The following KCTD20 variants were observed in gnomAD, a reference collection of about 807,000 sequenced individuals.
KCTD20 encodes BTB/POZ domain-containing protein KCTD20.
Under a neutral mutation model 39.6 loss-of-function variants are expected in KCTD20, and 30 were observed. The ratio of observed to expected loss-of-function variants is 0.76; its 90% CI spans 0.57 to 1.03. The LOEUF (loss-of-function observed/expected upper bound fraction) is 1.03. Among genes scored for constraint, KCTD20 ranks in the 50% least tolerant of loss-of-function variants. The probability of loss-of-function intolerance (pLI) is 0.00; values close to 1 mark genes in which losing one functional copy is unlikely to be tolerated. For missense variants in KCTD20, 422 were observed against 522.0 expected (o/e 0.81, Z 1.87); for synonymous variants, 162 against 180.6 (o/e 0.90, Z 0.83).
In KCTD20 at chr6:36,481,634, T is replaced by TG. The variant is rs1271688042; in HGVS notation, c.732dup (p.Pro245AlafsTer22). On this transcript the variant is annotated frameshift_variant, in exon 6 of 8. Coordinates refer to ENST00000373731, the MANE Select transcript of KCTD20 (RefSeq NM_173562.5). LOFTEE classifies it high-confidence loss of function. ...GATCACTACCTCGAAGAGCTCATCT[T>TG]GCCCATCATGGTGGGCTGTGCCAAG... 6.2e-7 allele frequency: 1 copy of TG among 1,614,248 alleles called. No homozygotes were observed.
intron 3 of KCTD20, 98 bp downstream of exon 3, chr6:36,475,160 T>C (rs1776027517): frequency 7.3e-7 from 1 of 1,363,676 alleles, no homozygotes; most frequent in South Asian, 1.4e-5. Flanking sequence ...AAAAGTATTG[T>C]ATAGGTTGGG....
intron 1 of KCTD20, among the ~76,000 whole-genome samples, chr6:36,466,821 G>A (rs949592532): frequency 2.0e-5 from 3 of 152,098 alleles, no homozygotes; most frequent in African/African-American, 7.2e-5. Flanking sequence ...ATGCTGGAAG[G>A]GGAATAGAAC....
intron 3 of KCTD20, among the ~76,000 whole-genome samples, chr6:36,478,159 C>A (rs1039934818): frequency 1.3e-5 from 2 of 151,458 alleles, no homozygotes; most frequent in Non-Finnish European, 1.5e-5. Flanking sequence ...AACAGCTGAA[C>A]AGGCAACACT....
intron 2 of KCTD20, 53 bp downstream of exon 2, chr6:36,470,310 T>G (rs1775874648): frequency 6.7e-7 from 1 of 1,499,730 alleles, no homozygotes; most frequent in African/African-American, 1.4e-5. Flanking sequence ...TACTAGAGCA[T>G]CTACTCTACC....
chr6:36,486,074 T>C (rs1029483407), intron 7 of KCTD20, among the ~76,000 whole-genome samples: 3 of 152,062 alleles, frequency 2.0e-5, no homozygotes, highest in Non-Finnish European at 4.4e-5. Context: ...TCCACTATTT[T>C]TTTTTAACCT....
intron 1 of KCTD20, among the ~76,000 whole-genome samples, chr6:36,449,874 T>A (rs887143308): frequency 2.6e-5 from 4 of 152,142 alleles, no homozygotes; most frequent in African/African-American, 9.7e-5. Flanking sequence ...TAAGAAGTTA[T>A]GTGTTGGTGG....
At chr6:36,455,179 G>A (rs1185545883) in intron 1 of KCTD20, among the ~76,000 whole-genome samples, 1 of 151,870 alleles carries the variant, frequency 6.6e-6, no homozygotes, top group Non-Finnish European at 1.5e-5. Flanking sequence ...AGGCTGAGGT[G>A]GGCGGATCAC....
chr6:36,489,512 T>C lies in KCTD20; in HGVS notation c.*2337T>C, dbSNP rs548391206. 1.3e-5 allele frequency: 2 copies of C among 152,118 alleles called. No individual in the cohort carries two copies. Among genetic ancestry groups the C allele is most frequent in the Non-Finnish European group, 2.9e-5 (2 of 68,026 alleles). The allele number at this position is 152,118 out of a possible 1,614,324, so 9.4% of individuals were successfully genotyped here. A position where few individuals can be genotyped will look rare whatever the true frequency, so the allele number is the denominator to read the frequency against. On this transcript the variant is annotated 3_prime_UTR_variant, in exon 8 of 8. Coordinates refer to ENST00000373731, the MANE Select transcript of KCTD20 (RefSeq NM_173562.5). ...GGAAAAGCTGGGATCACAGGTTCCT[T>C]CTGATGGAGAGGAAGGTTTATTTCT...
intron 1 of KCTD20, among the ~76,000 whole-genome samples, chr6:36,456,534 C>T (rs1462062430): frequency 6.6e-6 from 1 of 151,126 alleles, no homozygotes; most frequent in Non-Finnish European, 1.5e-5. Context: ...CCACCTTGGC[C>T]TCCCAGAGTG....
intron 1 of KCTD20, among the ~76,000 whole-genome samples, chr6:36,462,414 T>G (rs1775626833): frequency 6.6e-6 from 1 of 152,200 alleles, no homozygotes; most frequent in Admixed American, 6.5e-5. Context: ...CAGCTTCTCA[T>G]CTATGAAATG....
chr6:36,484,273 T>G (rs1776351690), intron 6 of KCTD20, among the ~76,000 whole-genome samples: 1 of 152,196 alleles, frequency 6.6e-6, no homozygotes, highest in Non-Finnish European at 1.5e-5. Flanking sequence ...GTAATTTCCT[T>G]TTTTGTTAAT....
intron 1 of KCTD20, among the ~76,000 whole-genome samples, chr6:36,468,829 A>G (rs561662992): frequency 3.3e-5 from 5 of 152,224 alleles, no homozygotes; most frequent in Non-Finnish European, 7.3e-5. Context: ...GATTTCATCA[A>G]TTGAAAGTAT....
intron 1 of KCTD20, among the ~76,000 whole-genome samples, chr6:36,461,064 ATTAAGT>A (rs1278221367): frequency 1.3e-5 from 2 of 152,194 alleles, no homozygotes; most frequent in Non-Finnish European, 2.9e-5. Context: ...TGTTAAATCA[ATTAAGT>A]TTAAGTCCAT....
intron 1 of KCTD20, among the ~76,000 whole-genome samples, chr6:36,458,541 CAAA>C (rs1174858102): frequency 4.5e-5 from 3 of 66,878 alleles, no homozygotes; most frequent in Non-Finnish European, 3.2e-5. Flanking sequence ...AACTCCATCT[CAAA>C]AAAAAAAAAA....
chr6:36,479,140 G>T lies in KCTD20; in HGVS notation c.454G>T (p.Glu152Ter). The T allele has an allele frequency of 6.2e-7, 1 of 1,612,642 alleles. No individual in the cohort carries two copies. The highest frequency in any genetic ancestry group is 1.7e-5 in the Admixed American group (1 of 59,930). The change falls in exon 4 of 8, where the codon GAG (glutamate) becomes TAG (stop). Residue 152 changes from glutamate to a stop codon, truncating the protein, a stop_gained. Coordinates refer to ENST00000373731, the MANE Select transcript of KCTD20 (RefSeq NM_173562.5). LOFTEE classifies it high-confidence loss of function. ...TTTCAGGATGTTTGGACCAGGAAGA[G>T]AGTACAACTTCACTCGGCCCAATGA... is the stretch of plus-strand genomic sequence containing the variant. ...MLGRMFGPGR[E>*]YNFTRPNEKG...
intron 1 of KCTD20, among the ~76,000 whole-genome samples, chr6:36,452,374 A>G (rs1374367868): frequency 6.6e-6 from 1 of 152,124 alleles, no homozygotes; most frequent in Non-Finnish European, 1.5e-5. Context: ...CAGATTTTCT[A>G]ATTTTTCTAA....
intron 1 of KCTD20, among the ~76,000 whole-genome samples, chr6:36,452,048 T>G (rs1489514945): frequency 2.0e-5 from 3 of 152,074 alleles, no homozygotes; most frequent in Non-Finnish European, 4.4e-5. Flanking sequence ...TGACTTCAAG[T>G]GATCTGCCCA....
rs1036634327 is a variant in KCTD20 at position 36,449,444 on chromosome 6, G to A, written c.-47+6333G>A. On this transcript the variant is annotated intron_variant, in intron 1 of 7. Transcript: ENST00000373731. ...GTTTTTACATAGTGCTGATTGGTGC[G>A]TTTACAATCCTTTAGCTAGACACAG... is the stretch of plus-strand genomic sequence containing the variant. Among the ~76,000 whole-genome samples the A allele has an allele frequency of 4.0e-5, 6 of 148,690 alleles. No individual in the cohort carries two copies. In the East Asian group the frequency reaches 7.9e-4, roughly 20 times the overall value.
At chr6:36,444,774 G>T (rs1774987642) in intron 1 of KCTD20, among the ~76,000 whole-genome samples, 1 of 152,182 alleles carries the variant, frequency 6.6e-6, no homozygotes, top group Non-Finnish European at 1.5e-5. Context: ...GCACAGAGTT[G>T]CATTCCTCCT....
Sources: allele counts gnomAD v4.1 joint callset (sites outside exome capture counted in the v4.1 genomes callset), GRCh38; gene constraint gnomAD v4.1.1; transcripts MANE v1.5; gene names NCBI Gene and HGNC (gene_info 2026-07-23, HGNC 2026-07-21).